Variants in ASIC5 observed in about 807,000 individuals in gnomAD.
ASIC5 encodes bile acid-sensitive ion channel.
ASIC5 carries 52 observed loss-of-function variants against 51.2 expected under a neutral mutation model. The observed-to-expected ratio is 1.02, with a 90% CI of 0.81 to 1.28. ASIC5 has a LOEUF of 1.28. Ranked by LOEUF, ASIC5 falls within the 50% of genes most tolerant of loss-of-function variation. The pLI, the probability that ASIC5 is intolerant of heterozygous loss-of-function variation, is 0.00. For missense variants in ASIC5, 635 were observed against 595.0 expected, an observed-to-expected ratio of 1.07 and a Z score of -0.70; for synonymous variants, 231 against 200.7, an observed-to-expected ratio of 1.15 and a Z score of -1.28.
At position 155,836,681 on chromosome 4, in the gene ASIC5, A is replaced by G; in HGVS notation, c.1235+8T>C. 3.2e-6 allele frequency: 5 copies of G among 1,573,922 alleles called. No individual in the cohort carries two copies. The highest frequency in any genetic ancestry group is 4.3e-6 in the Non-Finnish European group (5 of 1,151,452). On this transcript the variant is annotated splice_region_variant and intron_variant, in intron 8 of 9. Coordinates refer to ENST00000537611, the MANE Select transcript of ASIC5 (RefSeq NM_017419.3). ...ATTATCAATAATTTAAAAGGCTAGT[A>G]AGGTTACCTGATGTATTTCCGGCTT...
rs1160924905 is a variant in ASIC5, at chr4:155,829,926, G to T, written c.1448C>A (p.Ser483Tyr). ...TGGAGGAGTCCACTGGGTCATTTCAGATATCTTCAGCAAAAAGAAAATGCA... is the reference window on the plus strand; with the variant it reads ...TGGAGGAGTCCACTGGGTCATTTCATATATCTTCAGCAAAAAGAAAATGCA... ...WICIFFLLKISEMTQWTPPPQ... is the reference protein window; with the variant it reads ...WICIFFLLKIYEMTQWTPPPQ... The change falls in exon 10 of 10, where the codon TCT (serine) becomes TAT (tyrosine). Residue 483 changes from serine to tyrosine, a missense_variant. By Grantham distance (144) the Ser-to-Tyr change is moderately radical. Transcript: ENST00000537611. The T allele has an allele frequency of 6.2e-7, 1 of 1,607,660 alleles. No homozygotes were observed.
intron 4 of ASIC5, among the ~76,000 whole-genome samples, chr4:155,848,510 A>G (rs907287525): frequency 6.6e-6 from 1 of 152,082 alleles, no homozygotes; most frequent in African/African-American, 2.4e-5. Context: ...GACTTAGTGT[A>G]CATTATCAAT....
At chr4:155,843,941 T>A (rs6536102) in intron 4 of ASIC5, 111 bp from the exon 5 acceptor site, 12 of 941,112 alleles carry the variant, frequency 1.3e-5, no homozygotes, top group Non-Finnish European at 8.0e-6. Flanking sequence ...ATCCTAAATA[T>A]TTTATGTTAT....
At chr4:155,841,151 T>C (rs1741109889) in intron 6 of ASIC5, among the ~76,000 whole-genome samples, 1 of 152,144 alleles carries the variant, frequency 6.6e-6, no homozygotes, top group Non-Finnish European at 1.5e-5. Flanking sequence ...AGTTTTTCTC[T>C]ATTGCAATTC....
intron 1 of ASIC5, among the ~76,000 whole-genome samples, chr4:155,864,304 G>A (rs1388140841): frequency 6.6e-6 from 1 of 152,082 alleles, no homozygotes; most frequent in Non-Finnish European, 1.5e-5. Context: ...AGAATGTTCA[G>A]TGTTCAGTTG....
intron 9 of ASIC5, among the ~76,000 whole-genome samples, 181 bp from the exon 10 acceptor site, chr4:155,830,227 T>C (rs1740844480): frequency 1.3e-5 from 2 of 152,158 alleles, no homozygotes; most frequent in Admixed American, 6.6e-5. Context: ...GTGGTATTCA[T>C]ACAAATCATC....
At chr4:155,831,966 T>C (rs752717314) in intron 8 of ASIC5, 51 bp from the exon 9 acceptor site, 3 of 958,766 alleles carry the variant, frequency 3.1e-6, no homozygotes, top group Non-Finnish European at 4.9e-6. Context: ...AGCATTACTT[T>C]TAATTCCCGT....
chr4:155,860,752 A>G (rs1403700873), intron 2 of ASIC5, among the ~76,000 whole-genome samples: 2 of 151,952 alleles, frequency 1.3e-5, no homozygotes, highest in African/African-American at 4.8e-5. Context: ...GTCATCTAAC[A>G]CAAAAGCTGT....
intron 7 of ASIC5, 55 bp from the exon 8 acceptor site, chr4:155,836,912 T>C (rs1740995309): frequency 3.1e-6 from 4 of 1,302,886 alleles, no homozygotes; most frequent in Non-Finnish European, 4.3e-6. Flanking sequence ...TCATCATGGG[T>C]AGGATAGTTT....
At chr4:155,844,573 GT>G (rs1741197075) in intron 4 of ASIC5, among the ~76,000 whole-genome samples, 1 of 151,556 alleles carries the variant, frequency 6.6e-6, no homozygotes, top group Non-Finnish European at 1.5e-5. Flanking sequence ...ATCACTGTTA[GT>G]TTTGCTTAAC....
chr4:155,849,347 T>C (rs1410078720), intron 4 of ASIC5, among the ~76,000 whole-genome samples: 1 of 152,038 alleles, frequency 6.6e-6, no homozygotes, highest in Non-Finnish European at 1.5e-5. Flanking sequence ...ACGGCTGGGC[T>C]CGGCTTTTAA....
At chr4:155,863,304 T>C (rs1741761695) in intron 2 of ASIC5, 144 bp downstream of exon 2, 1 of 636,880 alleles carries the variant, frequency 1.6e-6, no homozygotes, top group South Asian at 2.2e-5. Context: ...AAATTTGTGC[T>C]TTTGAGTGCA....
At chr4:155,854,403 T>G (rs1403757982) in intron 2 of ASIC5, 89 bp from the exon 3 acceptor site, 3 of 921,482 alleles carry the variant, frequency 3.3e-6, no homozygotes, top group Non-Finnish European at 5.0e-6. Flanking sequence ...TCTATTAGCT[T>G]CTTCTTATCT....
chr4:155,832,659 AT>A (rs750469528), intron 8 of ASIC5, among the ~76,000 whole-genome samples: 1 of 152,150 alleles, frequency 6.6e-6, no homozygotes, highest in Non-Finnish European at 1.5e-5. Flanking sequence ...TCCAACTTTA[AT>A]ACGTTCCAAG....
At position 155,843,742 on chromosome 4, in the gene ASIC5, T is replaced by C; in HGVS notation, c.800A>G (p.Asp267Gly). 1.2e-6 allele frequency: 2 copies of C among 1,613,634 alleles called. No individual in the cohort carries two copies. Among genetic ancestry groups the C allele is most frequent in the Non-Finnish European group, 1.7e-6 (2 of 1,179,740 alleles). ...IHSPKKVPQF[D>G]GLGLLSPVGM... ...CACAGGTGACAACAAGCCTAACCCA[T>C]CAAACTGTGGCACCTTCTTTGGTGA... The change falls in exon 5 of 10, where the codon GAT (aspartate) becomes GGT (glycine). Residue 267 changes from aspartate to glycine, a missense_variant. Coordinates refer to ENST00000537611, the MANE Select transcript of ASIC5 (RefSeq NM_017419.3).
rs111620707 is a variant in ASIC5 at position 155,854,071 on chromosome 4, C to T, written c.585+6G>A. ...TGATTATATTTGAAGAATAGAAAAT[C>T]GTTACCTTTGGGCTACATGGCTTTC... On this transcript the variant is annotated splice_donor_region_variant and intron_variant, in intron 3 of 9. Coordinates refer to ENST00000537611, the MANE Select transcript of ASIC5 (RefSeq NM_017419.3). 8.8e-6 allele frequency: 14 copies of T among 1,583,932 alleles called. No individual in the cohort carries two copies. Among genetic ancestry groups the T allele is most frequent in the East Asian group, 2.2e-5 (1 of 44,658 alleles).
intron 8 of ASIC5, among the ~76,000 whole-genome samples, chr4:155,832,455 C>A (rs1359915494): frequency 6.6e-6 from 1 of 152,168 alleles, no homozygotes; most frequent in South Asian, 2.1e-4. Flanking sequence ...GGCAAAGACT[C>A]TGTTTTCTTA....
intron 8 of ASIC5, among the ~76,000 whole-genome samples, chr4:155,833,268 C>T (rs1740909799): frequency 6.6e-6 from 1 of 152,072 alleles, no homozygotes; most frequent in Admixed American, 6.5e-5. Flanking sequence ...AATCTGAAAC[C>T]AAGTACCTCA....
intron 8 of ASIC5, among the ~76,000 whole-genome samples, chr4:155,832,566 ATCAC>A (rs1740892915): frequency 6.6e-6 from 1 of 152,168 alleles, no homozygotes; most frequent in Non-Finnish European, 1.5e-5. Context: ...CACTTTCTCT[ATCAC>A]CAGCCTAGAC....
Sources: allele counts gnomAD v4.1 joint callset (sites outside exome capture counted in the v4.1 genomes callset), GRCh38; gene constraint gnomAD v4.1.1; transcripts MANE v1.5; gene names NCBI Gene and HGNC (gene_info 2026-07-23, HGNC 2026-07-21).